The following AGO3 variants were observed in gnomAD, a reference collection of about 807,000 sequenced individuals.
AGO3 encodes the protein argonaute RISC catalytic component 3.
AGO3 carries 16 observed loss-of-function variants against 105.5 expected under a neutral mutation model. The ratio of observed to expected loss-of-function variants is 0.15; its 90% CI spans 0.10 to 0.23. The LOEUF is 0.23. Among genes scored for constraint, AGO3 ranks in the 10% least tolerant of loss-of-function variants. The probability of loss-of-function intolerance (pLI) is 1.00; values close to 1 mark genes in which losing one functional copy is unlikely to be tolerated. For missense variants in AGO3, 534 were observed against 1,088.0 expected (o/e 0.49, Z 7.16); for synonymous variants, 340 against 367.3 (o/e 0.93, Z 0.85).
intron 4 of AGO3, among the ~76,000 whole-genome samples, chr1:35,972,834 A>G (rs1476253662): frequency 4.7e-5 from 7 of 148,876 alleles, no homozygotes; most frequent in Non-Finnish European, 1.0e-4. Flanking sequence ...ATGCACCATC[A>G]TGCCTGACTA....
At position 36,055,821 on chromosome 1, in the gene AGO3, A is replaced by G. The variant is rs1356918948; in HGVS notation, c.*76A>G. 15 of 1,468,498 alleles carry G rather than the reference A, an allele frequency of 1.0e-5. No individual in the cohort carries two copies. The highest frequency in any genetic ancestry group is 2.3e-5 in the South Asian group (2 of 85,662). The allele number at this position is 1,468,498 out of a possible 1,614,324, so 91.0% of individuals were successfully genotyped here. A position where few individuals can be genotyped will look rare whatever the true frequency, so the allele number is the denominator to read the frequency against. ...ACAACGTATGTTTCCAGTGAAGTCAATTGAGTAAGGACACCTCCAGCCATA... is the reference window on the plus strand; with the variant it reads ...ACAACGTATGTTTCCAGTGAAGTCAGTTGAGTAAGGACACCTCCAGCCATA... On this transcript the variant is annotated 3_prime_UTR_variant, in exon 19 of 19. Transcript: ENST00000373191. The surrounding 1 kb of genome is among the most constrained non-coding windows in gnomAD (Gnocchi z 4.4).
intron 2 of AGO3, among the ~76,000 whole-genome samples, chr1:35,965,820 CTTTTTTTTTTT>C (rs925988577): frequency 7.7e-4 from 93 of 120,172 alleles, no homozygotes; most frequent in African/African-American, 2.7e-3. Context: ...TTGAATCTCT[CTTTTTTTTTTT>C]TTTTTTTTTT....
intron 2 of AGO3, among the ~76,000 whole-genome samples, chr1:35,954,039 C>T (rs1340252528): frequency 2.0e-5 from 3 of 152,044 alleles, no homozygotes; most frequent in Non-Finnish European, 2.9e-5. Context: ...GTTGTCATAT[C>T]TATAGAAGGG....
intron 2 of AGO3, among the ~76,000 whole-genome samples, chr1:35,965,974 C>T (rs887209525): frequency 2.4e-4 from 37 of 151,966 alleles, no homozygotes; most frequent in African/African-American, 8.7e-4. Flanking sequence ...TACAGGCATG[C>T]GCCACTGTAC....
At chr1:36,046,275 A>G (rs1221498837) in intron 17 of AGO3, among the ~76,000 whole-genome samples, 1 of 152,222 alleles carries the variant, frequency 6.6e-6, no homozygotes, top group African/African-American at 2.4e-5. Context: ...CTCCAGGGGC[A>G]AGTAGCCATG....
chr1:36,035,593 T>A (rs188101576), intron 13 of AGO3, among the ~76,000 whole-genome samples: 2,308 of 152,256 alleles, frequency 0.015, 49 homozygotes, highest in African/African-American at 0.052. Context: ...ATATAAGTCT[T>A]TTTTTAAAGA....
chr1:36,010,954 A>G (rs1221423133), intron 9 of AGO3, among the ~76,000 whole-genome samples: 1 of 149,446 alleles, frequency 6.7e-6, no homozygotes, highest in Admixed American at 6.6e-5. Flanking sequence ...GGAAAGAAAG[A>G]GAAAAAGAGA....
At chr1:36,013,409 AT>A (rs1316593012) in intron 9 of AGO3, 2 of 502,530 alleles carry the variant, frequency 4.0e-6, no homozygotes, top group Admixed American at 6.8e-5. Context: ...ATACATACAA[AT>A]TTTGTATAAA....
At chr1:36,014,976 A>G (rs1196959926) in intron 11 of AGO3, among the ~76,000 whole-genome samples, 2 of 152,130 alleles carry the variant, frequency 1.3e-5, no homozygotes, top group African/African-American at 4.8e-5. Context: ...GGGTTTCCCC[A>G]CACACCAAGC....
At chr1:35,953,608 T>G (rs1646512685) in intron 2 of AGO3, among the ~76,000 whole-genome samples, 1 of 151,686 alleles carries the variant, frequency 6.6e-6, no homozygotes, top group Non-Finnish European at 1.5e-5. Context: ...TCACTGCAAC[T>G]TCCACCTCCC....
At chr1:36,021,959 A>G (rs1164549842) in intron 11 of AGO3, among the ~76,000 whole-genome samples, 2 of 151,824 alleles carry the variant, frequency 1.3e-5, no homozygotes, top group African/African-American at 4.8e-5. Context: ...TTTGCCTTTT[A>G]TAGAAAATCT....
rs1378420031 is a variant in AGO3 at position 36,068,788 on chromosome 1, T to C, written c.*13043T>C. ...ATGTCTCACATCTGCCTTCTTGATA[T>C]GTGCAAAATATTGTGTAAAAATAGT... On this transcript the variant is annotated 3_prime_UTR_variant, in exon 19 of 19. Coordinates refer to ENST00000373191, the MANE Select transcript of AGO3 (RefSeq NM_024852.4). 1.3e-5 allele frequency: 2 copies of C among 152,240 alleles called. No individual in the cohort carries two copies. The highest frequency in any genetic ancestry group is 2.4e-5 in the African/African-American group (1 of 41,468). 9.4% of individuals were successfully genotyped at this position (152,240 alleles called of 1,614,324 possible).
chr1:36,038,953 G>A (rs186101565), intron 14 of AGO3, among the ~76,000 whole-genome samples: 73 of 152,296 alleles, frequency 4.8e-4, no homozygotes, highest in African/African-American at 1.6e-3. Context: ...TGCTAAAGTG[G>A]AAGAGATAGG....
chr1:35,961,019 C>T (rs968192868), intron 2 of AGO3, among the ~76,000 whole-genome samples: 1 of 150,902 alleles, frequency 6.6e-6, no homozygotes, highest in Non-Finnish European at 1.5e-5. Context: ...TCTTGGCTCA[C>T]TGCAAGCTCC....
intron 5 of AGO3, among the ~76,000 whole-genome samples, chr1:35,996,591 C>T (rs1226401452): frequency 1.3e-5 from 2 of 151,610 alleles, no homozygotes; most frequent in Non-Finnish European, 2.9e-5. Context: ...ACCAACATGG[C>T]GAAACCCCAT....
rs571603557 is a variant in AGO3 at position 35,976,140 on chromosome 1, G to T, written c.658+2629G>T. 2.2e-4 allele frequency among the ~76,000 whole-genome samples: 33 copies of T among 152,066 alleles called. 1 individual carries two copies. The South Asian group carries it at 6.9e-3, about 32-fold the overall frequency. On this transcript the variant is annotated intron_variant, in intron 5 of 18. Coordinates refer to ENST00000373191, the MANE Select transcript of AGO3 (RefSeq NM_024852.4). ...AGTAGAGATGGGGTTTCACCATGTT[G>T]GTCAGGCTGGTCTCGAACTCCTGAT...
chr1:35,943,159 A>T (rs557654290), intron 1 of AGO3, among the ~76,000 whole-genome samples: 1 of 151,884 alleles, frequency 6.6e-6, no homozygotes, highest in Admixed American at 6.6e-5. Context: ...GCACACAACC[A>T]CACCCAGGTA....
intron 5 of AGO3, among the ~76,000 whole-genome samples, chr1:35,993,126 G>C (rs566913802): frequency 1.3e-5 from 2 of 152,210 alleles, no homozygotes; most frequent in Admixed American, 1.3e-4. Flanking sequence ...ATTACTTAAT[G>C]TTCAGTATGG....
At chr1:36,040,491 T>C in intron 16 of AGO3, 50 bp downstream of exon 16, 2 of 1,602,742 alleles carry the variant, frequency 1.2e-6, no homozygotes, top group South Asian at 2.2e-5. Flanking sequence ...TTATCCAACA[T>C]AGTTCATAGA....
Sources: gnomAD v4.1 joint callset for allele counts (sites outside exome capture counted in the v4.1 genomes callset) on GRCh38, gnomAD v4.1.1 for gene constraint, Gnocchi (gnomAD v3.1) non-coding constraint, MANE v1.5 for transcripts, NCBI Gene and HGNC (gene_info 2026-07-23, HGNC 2026-07-21) for gene names.